Variants in HIRA observed in about 807,000 individuals in gnomAD.
The protein encoded by HIRA is histone cell cycle regulator.
In HIRA, 13 loss-of-function variants were observed where a neutral mutation model predicts 126.6. The observed-to-expected ratio is 0.10, with a 90% CI of 0.07 to 0.16. The LOEUF (loss-of-function observed/expected upper bound fraction) is 0.16, where lower values mean the gene tolerates loss of function less well. Ranked by LOEUF, HIRA falls within the 10% of genes least tolerant of loss-of-function variation. The pLI is 1.00. For synonymous variants in HIRA, 511 were observed against 520.0 expected (o/e 0.98, Z 0.24); for missense variants, 834 against 1,314.4 (o/e 0.63, Z 5.65).
Position 19,390,601 on chromosome 22 carries a change from C to CAAAA in HIRA, c.936+1496_936+1499dup, listed in dbSNP as rs575050947. Among the ~76,000 whole-genome samples, 194 of 38,334 alleles carry CAAAA rather than the reference C, an allele frequency of 5.1e-3. 35 individuals carry two copies. Among genetic ancestry groups the CAAAA allele is most frequent in the African/African-American group, 0.016 (182 of 11,452 alleles). The allele number at this position is 38,334 out of a possible 152,430, so 25.1% of individuals were successfully genotyped here. On this transcript the variant is annotated intron_variant, in intron 9 of 24. Transcript: ENST00000263208. ...TGGGCAATAGAGGGAGACTCTGTCT[C>CAAAA]AAAAAAAAAAAAAAAAAAAAAAAAA...
At chr22:19,382,015 A>G (rs2089078020) in intron 13 of HIRA, among the ~76,000 whole-genome samples, 1 of 152,194 alleles carries the variant, frequency 6.6e-6, no homozygotes, top group Admixed American at 6.5e-5. Flanking sequence ...ATTTGCACAG[A>G]GTTCAGCAAA....
chr22:19,424,953 G>A (rs947142363), intron 1 of HIRA, among the ~76,000 whole-genome samples: 1 of 152,110 alleles, frequency 6.6e-6, no homozygotes, highest in Non-Finnish European at 1.5e-5. Flanking sequence ...GCTTTTACAC[G>A]CAGACCTAGT....
chr22:19,331,340 C>A lies in HIRA; in HGVS notation c.*100G>T, dbSNP rs1233725198. ...GACAGCACATCTCCTGCCAGTGTCT[C>A]CTCCCCCTACAGCCTGGTCAGGTGA... On this transcript the variant is annotated 3_prime_UTR_variant, in exon 25 of 25. Coordinates refer to ENST00000263208, the MANE Select transcript of HIRA (RefSeq NM_003325.4). The A allele has an allele frequency of 3.1e-6, 5 of 1,599,974 alleles. No homozygotes were observed. Among genetic ancestry groups the A allele is most frequent in the Non-Finnish European group, 2.5e-6 (3 of 1,178,304 alleles).
chr22:19,366,349 G>A (rs964987637), intron 15 of HIRA, among the ~76,000 whole-genome samples: 2 of 152,188 alleles, frequency 1.3e-5, no homozygotes, highest in African/African-American at 2.4e-5. Flanking sequence ...GCGACAGAGC[G>A]AGACTCCGTC....
At chr22:19,350,881 C>A (rs1280587350) in intron 24 of HIRA, among the ~76,000 whole-genome samples, 1 of 152,178 alleles carries the variant, frequency 6.6e-6, no homozygotes, top group East Asian at 1.9e-4. Flanking sequence ...TCACTCTTCT[C>A]CTTGGGTTTC....
At chr22:19,363,178 G>T (rs1057052221) in intron 15 of HIRA, among the ~76,000 whole-genome samples, 4 of 150,872 alleles carry the variant, frequency 2.7e-5, no homozygotes, top group African/African-American at 9.7e-5. Flanking sequence ...AGGTTGCAGG[G>T]AGTCAAGATC....
At chr22:19,391,234 T>C (rs2089178396) in intron 9 of HIRA, among the ~76,000 whole-genome samples, 1 of 152,068 alleles carries the variant, frequency 6.6e-6, no homozygotes, top group South Asian at 2.1e-4. Flanking sequence ...GCAAAAGAAA[T>C]GAAGACACAA....
At chr22:19,383,583 C>T (rs371127712) in intron 13 of HIRA, 37 bp downstream of exon 13, 17 of 1,521,274 alleles carry the variant, frequency 1.1e-5, no homozygotes, top group African/African-American at 1.4e-5. Flanking sequence ...AGGAAGATCT[C>T]GCCAGATAAG....
intron 24 of HIRA, among the ~76,000 whole-genome samples, chr22:19,349,634 CAAAGTCTATGGAACAAT>C (rs1230887105): frequency 2.0e-5 from 3 of 152,274 alleles, no homozygotes; most frequent in African/African-American, 7.2e-5. Context: ...ACACTGGATG[CAAAGTCTATGGAACAAT>C]GCCTTCAGGG....
At chr22:19,382,329 A>C (rs2089081214) in intron 13 of HIRA, among the ~76,000 whole-genome samples, 1 of 151,022 alleles carries the variant, frequency 6.6e-6, no homozygotes, top group Non-Finnish European at 1.5e-5. Context: ...CACCACCACC[A>C]CCTCCCCATC....
chr22:19,378,404 C>T (rs991629450), intron 13 of HIRA, among the ~76,000 whole-genome samples: 1 of 152,234 alleles, frequency 6.6e-6, no homozygotes, highest in African/African-American at 2.4e-5. Context: ...CAGAAAGGGC[C>T]TCCCTTTCAT....
Position 19,398,075 on chromosome 22 carries a change from A to G in HIRA, c.410T>C (p.Val137Ala), listed in dbSNP as rs1304363518. The change falls in exon 6 of 25, where the codon GTA becomes GCA. Residue 137 changes from valine (V) to alanine (A), a missense_variant. By Grantham distance (64) the Val-to-Ala change is moderately conservative. Transcript: ENST00000263208. ...CCAGGCATCGTGGGGAGACCATGCT[A>G]CATCCATCACATCTGAAAGAAGACA... ...LRNHSGDVMD[V>A]AWSPHDAWLA... is the part of the protein sequence containing the mutation. 6.2e-7 allele frequency: 1 copy of G among 1,613,394 alleles called. No homozygotes were observed.
In HIRA at chr22:19,351,244, G is replaced by A; in HGVS notation, c.2937+114C>T. 6.9e-7 allele frequency: 1 copy of A among 1,444,330 alleles called. No homozygotes were observed. The highest frequency in any genetic ancestry group is 9.1e-7 in the Non-Finnish European group (1 of 1,099,778). The allele number at this position is 1,444,330 out of a possible 1,614,324, so 89.5% of individuals were successfully genotyped here. Reference sequence around the variant, plus strand: ...CACTGATGCTGGGACCTGAGGCTGGGTGCTGGAGAAGTCTAACGGGACACA... The same window carrying A: ...CACTGATGCTGGGACCTGAGGCTGGATGCTGGAGAAGTCTAACGGGACACA... On this transcript the variant is annotated intron_variant, in intron 24 of 24. Transcript: ENST00000263208. This position sits in a 1 kb window ranked among gnomAD's most constrained non-coding sequence, Gnocchi z 4.8.
chr22:19,431,590 C>T lies in HIRA; in HGVS notation c.-114G>A. ...GCGCCACCCGCCCTCCGGCCGCCGC[C>T]CGCCCCGCGCCCTCAGGGCCGCCGC... is the stretch of plus-strand genomic sequence containing the variant. On this transcript the variant is annotated 5_prime_UTR_variant, in exon 1 of 25. Coordinates refer to ENST00000263208, the MANE Select transcript of HIRA (RefSeq NM_003325.4). The T allele has an allele frequency of 3.2e-6, 3 of 928,290 alleles. No homozygotes were observed. Among genetic ancestry groups the T allele is most frequent in the African/African-American group, 1.8e-5 (1 of 55,702 alleles). The allele number at this position is 928,290 out of a possible 1,614,324, so 57.5% of individuals were successfully genotyped here.
chr22:19,401,024 C>T (rs1304080990), intron 5 of HIRA, among the ~76,000 whole-genome samples: 1 of 152,142 alleles, frequency 6.6e-6, no homozygotes, highest in Non-Finnish European at 1.5e-5. Flanking sequence ...TTACCTCTCT[C>T]CTCCAGCTGA....
chr22:19,415,466 T>C (rs2089388443), intron 1 of HIRA, among the ~76,000 whole-genome samples: 1 of 152,198 alleles, frequency 6.6e-6, no homozygotes, highest in Non-Finnish European at 1.5e-5. Flanking sequence ...ACATTATATA[T>C]GTACTCATGG....
chr22:19,418,757 TACA>T (rs1301895146), intron 1 of HIRA, among the ~76,000 whole-genome samples: 1 of 152,018 alleles, frequency 6.6e-6, no homozygotes, highest in Non-Finnish European at 1.5e-5. Context: ...CACAAATAAG[TACA>T]AACAAAACTG....
chr22:19,389,533 C>T (rs1006704135), intron 9 of HIRA, among the ~76,000 whole-genome samples: 1 of 152,180 alleles, frequency 6.6e-6, no homozygotes, highest in African/African-American at 2.4e-5. Flanking sequence ...GAAGCTGTGT[C>T]TACCCTAGTG....
intron 1 of HIRA, among the ~76,000 whole-genome samples, chr22:19,422,814 T>A (rs147967048): frequency 6.6e-6 from 1 of 152,282 alleles, no homozygotes; most frequent in African/African-American, 2.4e-5. Flanking sequence ...CAGCTCCCTG[T>A]AGTCTTCCTC....
Sources: allele counts gnomAD v4.1 joint callset (sites outside exome capture counted in the v4.1 genomes callset), GRCh38; gene constraint gnomAD v4.1.1; non-coding constraint Gnocchi (gnomAD v3.1); transcripts MANE v1.5; gene names NCBI Gene and HGNC (gene_info 2026-07-23, HGNC 2026-07-21).